Variants in ANXA3 observed in about 807,000 individuals in gnomAD.
The protein encoded by ANXA3 is annexin A3.
A neutral mutation model predicts 48.8 loss-of-function variants in ANXA3; 46 were observed. The ratio of observed to expected loss-of-function variants is 0.94; its 90% CI spans 0.74 to 1.21. ANXA3 has a LOEUF of 1.21. Among genes scored for constraint, ANXA3 ranks in the 50% most tolerant of loss-of-function variants. The probability of loss-of-function intolerance (pLI) is 0.00; values close to 1 mark genes in which losing one functional copy is unlikely to be tolerated. For missense variants in ANXA3, 383 were observed against 378.6 expected, an observed-to-expected ratio of 1.01 and a Z score of -0.10; for synonymous variants, 128 against 134.7, an observed-to-expected ratio of 0.95 and a Z score of 0.35.
In ANXA3 at chr4:78,595,900, A is replaced by G. The variant is rs75648789; in HGVS notation, c.634+13A>G. The G allele has an allele frequency of 6.7e-6, 10 of 1,494,036 alleles. No homozygotes were observed. Among genetic ancestry groups the G allele is most frequent in the Admixed American group, 1.7e-5 (1 of 59,344 alleles). 92.5% of individuals were successfully genotyped at this position (1,494,036 alleles called of 1,614,324 possible). A position where few individuals can be genotyped will look rare whatever the true frequency, so the allele number is the denominator to read the frequency against. On this transcript the variant is annotated intron_variant, in intron 9 of 12. Transcript: ENST00000264908. ...CAATTAAAACTAAGTACAAACTCAC[A>G]TTACAATCCTTTGTGTTGTATGTTG... is the stretch of plus-strand genomic sequence containing the variant.
chr4:78,555,008 C>T lies in ANXA3; in HGVS notation c.15+520C>T, dbSNP rs547107792. Among the ~76,000 whole-genome samples, 17 of 152,276 alleles carry T rather than the reference C, an allele frequency of 1.1e-4. No individual in the cohort carries two copies. The South Asian group carries it at 3.5e-3, about 32-fold the overall frequency. ...ATCACCTAAAGCCAGGAGTTTGAGACCAGCCTGGCCAACATGGTGAAACCG... is the reference window on the plus strand; with the variant it reads ...ATCACCTAAAGCCAGGAGTTTGAGATCAGCCTGGCCAACATGGTGAAACCG... On this transcript the variant is annotated intron_variant, in intron 2 of 12. Transcript: ENST00000264908.
At position 78,606,233 on chromosome 4, in the gene ANXA3, C is replaced by T. The variant is rs555513432; in HGVS notation, c.912+1834C>T. 1.1e-3 allele frequency among the ~76,000 whole-genome samples: 169 copies of T among 152,308 alleles called. No individual in the cohort carries two copies. The Middle Eastern group carries it at 0.02, about 18-fold the overall frequency. On this transcript the variant is annotated intron_variant, in intron 12 of 12. Coordinates refer to ENST00000264908, the MANE Select transcript of ANXA3 (RefSeq NM_005139.3). ...AAATCAGCACTAGAGAGTATTGGAC[C>T]CAGGTGAACTCTCCAAGGTCTAAGC... is the stretch of plus-strand genomic sequence containing the variant.
chr4:78,604,462 T>A, intron 12 of ANXA3, 63 bp downstream of exon 12: 1 of 1,341,746 alleles, frequency 7.5e-7, no homozygotes, highest in Non-Finnish European at 1.0e-6. Flanking sequence ...TCCTTACTCT[T>A]ATATGCCTTA....
intron 2 of ANXA3, among the ~76,000 whole-genome samples, chr4:78,556,590 C>T (rs1264067483): frequency 6.6e-6 from 1 of 152,000 alleles, no homozygotes; most frequent in Non-Finnish European, 1.5e-5. Flanking sequence ...ATGTGACCAT[C>T]CCTTGGCCTG....
In ANXA3 at chr4:78,597,385, G is replaced by C. The variant is rs769265929; in HGVS notation, c.701G>C (p.Gly234Ala). 10 of 1,610,126 alleles carry C rather than the reference G, an allele frequency of 6.2e-6. No homozygotes were observed. Among genetic ancestry groups the C allele is most frequent in the Non-Finnish European group, 8.5e-6 (10 of 1,178,314 alleles). Residue 234 changes from glycine (G) to alanine (A), a missense_variant, in exon 10 of 13, where the codon GGG (glycine) becomes GCG (alanine). Gly to Ala is a moderately conservative substitution (Grantham distance 60). Coordinates refer to ENST00000264908, the MANE Select transcript of ANXA3 (RefSeq NM_005139.3). ...IVDSIKGELS[G>A]HFEDLLLAIV... is the part of the protein sequence containing the mutation. ...GACAGCATAAAAGGAGAATTATCTG[G>C]GCATTTTGAAGACTTACTGTTGGCC...
intron 5 of ANXA3, among the ~76,000 whole-genome samples, chr4:78,583,581 G>T: frequency 6.6e-6 from 1 of 151,280 alleles, no homozygotes; most frequent in Non-Finnish European, 1.5e-5. Flanking sequence ...CCATGACCGT[G>T]CCACTGCACT....
intron 5 of ANXA3, among the ~76,000 whole-genome samples, chr4:78,583,884 A>G (rs1326160517): frequency 1.3e-5 from 2 of 152,208 alleles, no homozygotes; most frequent in African/African-American, 2.4e-5. Flanking sequence ...CTGAAATTAT[A>G]TCTACAAAAT....
intron 9 of ANXA3, 138 bp downstream of exon 9, chr4:78,596,025 T>C (rs991134501): frequency 3.3e-6 from 2 of 609,638 alleles, no homozygotes; most frequent in East Asian, 2.9e-5. Context: ...GGAAACAAAA[T>C]GGGAAAGCTG....
In ANXA3 at chr4:78,551,869, GCCT is replaced by G. The variant is rs1231178870; in HGVS notation, c.-39+13_-39+15del. ...CCCCACCGCGCTTTGGGTAAGTTCA[GCCT>G]CCCGGCGCGTCCCCGCGAGCCTCGC... On this transcript the variant is annotated intron_variant, in intron 1 of 12. Coordinates refer to ENST00000264908, the MANE Select transcript of ANXA3 (RefSeq NM_005139.3). The G allele has an allele frequency of 6.6e-6, 1 of 152,314 alleles. No homozygotes were observed. Among genetic ancestry groups the G allele is most frequent in the Non-Finnish European group, 1.5e-5 (1 of 68,088 alleles). The allele number at this position is 152,314 out of a possible 1,614,324, so 9.4% of individuals were successfully genotyped here.
At chr4:78,587,607 GT>G (rs2109940532) in intron 6 of ANXA3, among the ~76,000 whole-genome samples, 1 of 152,336 alleles carries the variant, frequency 6.6e-6, no homozygotes, top group East Asian at 1.9e-4. Context: ...AGCTTTTGCA[GT>G]GGGAGAGGTC....
chr4:78,606,873 A>C (rs933776684), intron 12 of ANXA3, among the ~76,000 whole-genome samples: 1 of 152,242 alleles, frequency 6.6e-6, no homozygotes, highest in Non-Finnish European at 1.5e-5. Flanking sequence ...GACTTAGCAC[A>C]AATTGCATCA....
intron 2 of ANXA3, among the ~76,000 whole-genome samples, chr4:78,564,990 GATT>G (rs1722701107): frequency 8.1e-6 from 1 of 123,346 alleles, no homozygotes; most frequent in African/African-American, 3.2e-5. Flanking sequence ...ATCTGACTTA[GATT>G]TTTTTTTTTT....
At chr4:78,556,301 T>A (rs1375422910) in intron 2 of ANXA3, among the ~76,000 whole-genome samples, 1 of 152,196 alleles carries the variant, frequency 6.6e-6, no homozygotes, top group African/African-American at 2.4e-5. Context: ...TGTATGTGAA[T>A]TGACATTAAA....
intron 7 of ANXA3, among the ~76,000 whole-genome samples, chr4:78,594,042 T>C (rs985712329): frequency 1.3e-5 from 2 of 152,140 alleles, no homozygotes; most frequent in Non-Finnish European, 1.5e-5. Flanking sequence ...CTAAAAATCC[T>C]CTGTGCTCTG....
At chr4:78,610,003 G>A (rs746169355) in intron 12 of ANXA3, 53 bp from the exon 13 acceptor site, 57 of 1,366,720 alleles carry the variant, frequency 4.2e-5, no homozygotes, top group Non-Finnish European at 5.5e-5. Context: ...ATTCATTTAT[G>A]GTCTCCCATT....
intron 12 of ANXA3, among the ~76,000 whole-genome samples, chr4:78,607,264 A>T (rs1041776804): frequency 1.3e-5 from 2 of 152,214 alleles, no homozygotes; most frequent in Non-Finnish European, 2.9e-5. Context: ...TTATTAAGTA[A>T]TCTCATTACA....
intron 2 of ANXA3, among the ~76,000 whole-genome samples, chr4:78,565,725 A>G (rs1344672351): frequency 6.6e-6 from 1 of 152,220 alleles, no homozygotes; most frequent in East Asian, 1.9e-4. Flanking sequence ...CCTCTATAAA[A>G]TCACGGTATT....
intron 3 of ANXA3, 49 bp from the exon 4 acceptor site, chr4:78,578,978 A>G: frequency 1.5e-6 from 2 of 1,302,444 alleles, no homozygotes; most frequent in South Asian, 2.6e-5. Context: ...TTTGTTCAAG[A>G]CAAATGTTGA....
chr4:78,595,351 G>A, intron 7 of ANXA3, 30 bp from the exon 8 acceptor site: 3 of 1,612,352 alleles, frequency 1.9e-6, no homozygotes, highest in Non-Finnish European at 2.5e-6. Flanking sequence ...ATCTTTAAAG[G>A]ATGGCCCTTG....
Sources: allele counts gnomAD v4.1 joint callset (sites outside exome capture counted in the v4.1 genomes callset), GRCh38; gene constraint gnomAD v4.1.1; transcripts MANE v1.5; gene names NCBI Gene and HGNC (gene_info 2026-07-23, HGNC 2026-07-21).